Variants in ZFHX3 observed in about 807,000 individuals in gnomAD.
The protein encoded by ZFHX3 is zinc finger homeobox protein 3.
Under a neutral mutation model 279.1 loss-of-function variants are expected in ZFHX3, and 42 were observed. The observed-to-expected ratio is 0.15, with a 90% CI of 0.12 to 0.19. The LOEUF (loss-of-function observed/expected upper bound fraction) is 0.19, where lower values mean the gene tolerates loss of function less well. Ranked by LOEUF, ZFHX3 falls within the 10% of genes least tolerant of loss-of-function variation. The pLI is 1.00. For synonymous variants in ZFHX3, 2,293 were observed against 1,957.8 expected, an observed-to-expected ratio of 1.17 and a Z score of -4.52; for missense variants, 4,981 against 4,754.0, an observed-to-expected ratio of 1.05 and a Z score of -1.40.
At chr16:73,033,284 G>C (rs915305956) in intron 1 of ZFHX3, among the ~76,000 whole-genome samples, 5 of 152,166 alleles carry the variant, frequency 3.3e-5, no homozygotes, top group Non-Finnish European at 7.3e-5. Context: ...GAGAAAAAGG[G>C]GTTAAATGCC....
In ZFHX3 at chr16:73,589,733, C is replaced by CA. The variant is rs59777135; in HGVS notation, c.-1547+90446dup. Among the ~76,000 whole-genome samples, 23 of 29,588 alleles carry CA rather than the reference C, an allele frequency of 7.8e-4. 6 individuals carry two copies. Among genetic ancestry groups the CA allele is most frequent in the Admixed American group, 3.2e-3 (5 of 1,540 alleles). The allele number at this position is 29,588 out of a possible 152,430, so 19.4% of individuals were successfully genotyped here. A position where few individuals can be genotyped will look rare whatever the true frequency, so the allele number is the denominator to read the frequency against. ...TGGGTGACAGAGCGAGACTCCGTCT[C>CA]AAAAAAAAAAAAAAAAAAAAAAAAA... is the stretch of plus-strand genomic sequence containing the variant. On this transcript the variant is annotated intron_variant, in intron 2 of 17. Coordinates refer to the ZFHX3 transcript ENST00000641206.
At chr16:73,839,209 A>T (rs1167198707) in intron 1 of ZFHX3, among the ~76,000 whole-genome samples, 1 of 151,550 alleles carries the variant, frequency 6.6e-6, no homozygotes, top group African/African-American at 2.4e-5. Context: ...ATGCAAAAAC[A>T]AAATTAGCCG....
intron 3 of ZFHX3, among the ~76,000 whole-genome samples, chr16:73,319,395 A>T (rs2015525889): frequency 6.6e-6 from 1 of 151,770 alleles, no homozygotes; most frequent in Non-Finnish European, 1.5e-5. Flanking sequence ...GCAATAGGGG[A>T]TAGGGAAGGA....
At chr16:73,742,888 G>A (rs376088990) in intron 1 of ZFHX3, among the ~76,000 whole-genome samples, 16 of 152,272 alleles carry the variant, frequency 1.1e-4, no homozygotes, top group African/African-American at 3.6e-4. Context: ...TTTCAATAAG[G>A]AAACTGGCAG....
chr16:73,528,330 C>T (rs1249547426), intron 2 of ZFHX3, among the ~76,000 whole-genome samples: 1 of 152,216 alleles, frequency 6.6e-6, no homozygotes, highest in Non-Finnish European at 1.5e-5. Context: ...ATATCAATAG[C>T]AGTACTAGCC....
intron 2 of ZFHX3, among the ~76,000 whole-genome samples, chr16:73,573,164 T>C (rs573139135): frequency 6.6e-6 from 1 of 152,272 alleles, no homozygotes; most frequent in East Asian, 1.9e-4. Context: ...TGCACTGCTA[T>C]TCTGCAATGA....
chr16:73,802,367 G>T (rs2142327415), intron 1 of ZFHX3, among the ~76,000 whole-genome samples: 1 of 152,276 alleles, frequency 6.6e-6, no homozygotes, highest in South Asian at 2.1e-4. Flanking sequence ...ATTTGCTATG[G>T]GTGTTTCCCA....
intron 1 of ZFHX3, among the ~76,000 whole-genome samples, chr16:73,831,166 G>C (rs138511511): frequency 8.5e-5 from 13 of 152,276 alleles, no homozygotes; most frequent in African/African-American, 3.1e-4. Context: ...TCACAGCCCT[G>C]GAGAAATGGG....
chr16:73,808,121 A>C (rs2142333599), intron 1 of ZFHX3, among the ~76,000 whole-genome samples: 1 of 152,288 alleles, frequency 6.6e-6, no homozygotes, highest in East Asian at 1.9e-4. Context: ...GTGGGCACTG[A>C]AGAGAGACCA....
chr16:73,037,904 C>A (rs1964969151), intron 1 of ZFHX3, among the ~76,000 whole-genome samples: 3 of 152,268 alleles, frequency 2.0e-5, no homozygotes, highest in African/African-American at 7.2e-5. Flanking sequence ...ACAGCCATGA[C>A]TACCAGCTTG....
chr16:73,302,153 C>T (rs907838252), intron 4 of ZFHX3, among the ~76,000 whole-genome samples: 2 of 152,034 alleles, frequency 1.3e-5, no homozygotes, highest in African/African-American at 4.8e-5. Flanking sequence ...GAAGAAAGCT[C>T]CCTTTCTCTT....
At chr16:73,774,290 A>G (rs1429175586) in intron 1 of ZFHX3, among the ~76,000 whole-genome samples, 2 of 152,192 alleles carry the variant, frequency 1.3e-5, no homozygotes, top group African/African-American at 2.4e-5. Flanking sequence ...ATGGCCTAGC[A>G]TGGTGCTTGT....
chr16:73,696,154 T>C (rs557633102), intron 1 of ZFHX3, among the ~76,000 whole-genome samples: 2 of 152,326 alleles, frequency 1.3e-5, no homozygotes, highest in Non-Finnish European at 1.5e-5. Flanking sequence ...TTGAGGGCTT[T>C]CAGTGGCATC....
intron 2 of ZFHX3, among the ~76,000 whole-genome samples, chr16:73,580,967 G>C (rs986844864): frequency 3.5e-4 from 53 of 151,822 alleles, no homozygotes; most frequent in African/African-American, 9.2e-4. Flanking sequence ...CTTTTCAGAA[G>C]CCTTAGTTCC....
At chr16:73,606,996 C>CAACAACAAA (rs1241308512) in intron 2 of ZFHX3, among the ~76,000 whole-genome samples, 3 of 152,008 alleles carry the variant, frequency 2.0e-5, no homozygotes, top group Non-Finnish European at 4.4e-5. Context: ...AACAAACAAA[C>CAACAACAAA]AACAACAACA....
chr16:73,252,264 A>T (rs189931936), intron 5 of ZFHX3, among the ~76,000 whole-genome samples: 1 of 152,304 alleles, frequency 6.6e-6, no homozygotes, highest in Admixed American at 6.5e-5. Context: ...GAGGGCCTGG[A>T]AGAAGAAAAG....
rs755247573 is a variant in ZFHX3, at chr16:72,798,682, G to T, written c.4000C>A (p.Pro1334Thr). 3 of 1,572,780 alleles carry T rather than the reference G, an allele frequency of 1.9e-6. No individual in the cohort carries two copies. In the South Asian group the frequency reaches 3.5e-5, roughly 18 times the overall value. Residue 1334 changes from proline (P) to threonine (T), a missense_variant, in exon 9 of 10, where the codon CCA (proline) becomes ACA (threonine). By Grantham distance (38) the Pro-to-Thr change is conservative. Coordinates refer to ENST00000268489, the MANE Select transcript of ZFHX3 (RefSeq NM_006885.4). ...CCGCTTTGCTCTGTGCTTGCGGATG[G>T]CAAGATGTTCTTTCCCAGATCCTCT... ...TSEDLGKNIL[P>T]SASTEQSGDL... is the part of the protein sequence containing the mutation.
chr16:73,579,941 T>A (rs1311432174), intron 2 of ZFHX3, among the ~76,000 whole-genome samples: 1 of 147,110 alleles, frequency 6.8e-6, no homozygotes, highest in African/African-American at 2.5e-5. Context: ...TGATATATTA[T>A]AATGTAGAAT....
Position 73,115,597 on chromosome 16 carries a change from T to C in ZFHX3, c.-897+15371A>G, listed in dbSNP as rs925829145. Among the ~76,000 whole-genome samples, 4 of 152,080 alleles carry C rather than the reference T, an allele frequency of 2.6e-5. No individual in the cohort carries two copies. The South Asian group carries it at 6.2e-4, about 24-fold the overall frequency. ...GCTTCCTTCAGCATCTCCCACCTTC[T>C]AGCATCTCCTTGCTTCTAGAACCAG... On this transcript the variant is annotated intron_variant, in intron 7 of 17. Coordinates refer to the ZFHX3 transcript ENST00000641206.
Sources: gnomAD v4.1 joint callset for allele counts (sites outside exome capture counted in the v4.1 genomes callset) on GRCh38, gnomAD v4.1.1 for gene constraint, MANE v1.5 for transcripts, NCBI Gene and HGNC (gene_info 2026-07-23, HGNC 2026-07-21) for gene names.